Variants in HMGCLL1 observed in about 807,000 individuals in gnomAD.
HMGCLL1 encodes the protein 3-hydroxymethyl-3-methylglutaryl-CoA lyase, cytoplasmic.
HMGCLL1 carries 36 observed loss-of-function variants against 39.1 expected under a neutral mutation model. The observed-to-expected ratio is 0.92, with a 90% CI of 0.71 to 1.22. HMGCLL1 has a LOEUF of 1.22. Ranked by LOEUF, HMGCLL1 falls within the 50% of genes most tolerant of loss-of-function variation. HMGCLL1 has a pLI of 0.00. For synonymous variants in HMGCLL1, 149 were observed against 144.0 expected (o/e 1.03, Z -0.25); for missense variants, 451 against 416.5 (o/e 1.08, Z -0.72).
rs764189741 is a variant in HMGCLL1 at position 55,538,338 on chromosome 6, A to G, written c.297+3391T>C. Among the ~76,000 whole-genome samples, 56 of 152,178 alleles carry G rather than the reference A, an allele frequency of 3.7e-4. 1 individual carries two copies. The highest frequency in any genetic ancestry group is 1.2e-4 in the Non-Finnish European group (8 of 68,024). ...GAAATCTATTATCTTTCCTAACACT[A>G]ATTCTAAAGTTATATCAGCCTATTC... On this transcript the variant is annotated intron_variant, in intron 3 of 8. Transcript: ENST00000274901.
chr6:55,451,282 T>A (rs538073982), intron 7 of HMGCLL1, among the ~76,000 whole-genome samples: 3 of 152,298 alleles, frequency 2.0e-5, no homozygotes, highest in African/African-American at 7.2e-5. Flanking sequence ...TGATTTAAAA[T>A]GAATTAGGCC....
At chr6:55,566,220 T>C (rs1202894278) in intron 1 of HMGCLL1, among the ~76,000 whole-genome samples, 1 of 152,066 alleles carries the variant, frequency 6.6e-6, no homozygotes, top group Non-Finnish European at 1.5e-5. Context: ...TCCTTCAAGA[T>C]CCAAAAACAT....
At chr6:55,519,266 C>T (rs987587937) in intron 3 of HMGCLL1, among the ~76,000 whole-genome samples, 2 of 151,936 alleles carry the variant, frequency 1.3e-5, no homozygotes, top group African/African-American at 2.4e-5. Flanking sequence ...GGCCAACTCT[C>T]AGGTAATTGT....
At chr6:55,438,767 AT>A (rs1281146259) in intron 8 of HMGCLL1, among the ~76,000 whole-genome samples, 4 of 152,126 alleles carry the variant, frequency 2.6e-5, no homozygotes, top group Non-Finnish European at 4.4e-5. Flanking sequence ...ATTATTTTAC[AT>A]CTCAGAAATT....
the HMGCLL1 span, among the ~76,000 whole-genome samples, chr6:55,649,374 GTT>G: frequency 6.4e-5 from 9 of 140,672 alleles, no homozygotes; most frequent in South Asian, 2.3e-4. Flanking sequence ...AGGGTAAAAG[GTT>G]TTTTTTTTTT....
At chr6:55,537,066 G>T (rs1326857628) in intron 3 of HMGCLL1, among the ~76,000 whole-genome samples, 1 of 152,142 alleles carries the variant, frequency 6.6e-6, no homozygotes, top group African/African-American at 2.4e-5. Context: ...CAAAATCTCA[G>T]ATGTTAAGTT....
chr6:55,436,920 G>C (rs1763393452), intron 8 of HMGCLL1, among the ~76,000 whole-genome samples: 1 of 151,904 alleles, frequency 6.6e-6, no homozygotes, highest in Admixed American at 6.6e-5. Flanking sequence ...GTTTTGTCGT[G>C]GTAACGGCTT....
At chr6:55,619,267 T>C in the HMGCLL1 span, among the ~76,000 whole-genome samples, 1 of 152,036 alleles carries the variant, frequency 6.6e-6, no homozygotes, top group East Asian at 1.9e-4. Flanking sequence ...TGTGAAATTG[T>C]AGTGAAAAAA....
chr6:55,577,765 T>C (rs1489533820), intron 1 of HMGCLL1, among the ~76,000 whole-genome samples: 1 of 152,158 alleles, frequency 6.6e-6, no homozygotes, highest in Non-Finnish European at 1.5e-5. Context: ...AACATTAAGA[T>C]AAAAGTTACA....
chr6:55,632,016 T>A, the HMGCLL1 span, among the ~76,000 whole-genome samples: 1 of 152,134 alleles, frequency 6.6e-6, no homozygotes, highest in South Asian at 2.1e-4. Context: ...TTGCAAAGTA[T>A]TAAGGTTTTT....
chr6:55,522,655 G>A (rs1768096984), intron 3 of HMGCLL1, among the ~76,000 whole-genome samples: 1 of 151,888 alleles, frequency 6.6e-6, no homozygotes, highest in Non-Finnish European at 1.5e-5. Flanking sequence ...CTAAATTCCA[G>A]AGCTGCATTT....
chr6:55,632,233 C>T, the HMGCLL1 span, among the ~76,000 whole-genome samples: 1 of 151,928 alleles, frequency 6.6e-6, no homozygotes, highest in African/African-American at 2.4e-5. Context: ...TTAGTAAAAG[C>T]ATACAATAAT....
chr6:55,583,146 G>T (rs1211828786), upstream of HMGCLL1, among the ~76,000 whole-genome samples: 2 of 151,888 alleles, frequency 1.3e-5, no homozygotes, highest in South Asian at 2.1e-4. Context: ...TTGCATGCTT[G>T]GTAATTTGCT....
At chr6:55,646,084 C>T in the HMGCLL1 span, among the ~76,000 whole-genome samples, 2 of 151,696 alleles carry the variant, frequency 1.3e-5, no homozygotes, top group Non-Finnish European at 1.5e-5. Flanking sequence ...TGTTACTGGT[C>T]TGTTCAGGTA....
At chr6:55,480,287 AAT>A (rs1233656516) in intron 7 of HMGCLL1, among the ~76,000 whole-genome samples, 1 of 151,662 alleles carries the variant, frequency 6.6e-6, no homozygotes, top group African/African-American at 2.4e-5. Context: ...GGAAAAATCT[AAT>A]AATCCGACCA....
chr6:55,626,210 A>G, the HMGCLL1 span, among the ~76,000 whole-genome samples: 1 of 152,144 alleles, frequency 6.6e-6, no homozygotes, highest in African/African-American at 2.4e-5. Flanking sequence ...CCTCACAGGA[A>G]TAGACACTCC....
intron 1 of HMGCLL1, among the ~76,000 whole-genome samples, chr6:55,569,818 C>G (rs893697438): frequency 1.3e-5 from 2 of 152,154 alleles, no homozygotes; most frequent in African/African-American, 4.8e-5. Context: ...TTGCTAATGG[C>G]ACAGAGACAA....
At chr6:55,650,110 T>TATAC in the HMGCLL1 span, among the ~76,000 whole-genome samples, 201 of 74,434 alleles carry the variant, frequency 2.7e-3, 7 homozygotes, top group African/African-American at 0.013. Flanking sequence ...TATATATATA[T>TATAC]ATATATATAT....
the HMGCLL1 span, among the ~76,000 whole-genome samples, chr6:55,669,963 T>C: frequency 1.3e-5 from 2 of 151,922 alleles, no homozygotes; most frequent in East Asian, 3.9e-4. Context: ...ATGTTCTAAA[T>C]TTGGTGGAAA....
Sources: allele counts gnomAD v4.1 joint callset (sites outside exome capture counted in the v4.1 genomes callset), GRCh38; gene constraint gnomAD v4.1.1; transcripts MANE v1.5; gene names NCBI Gene and HGNC (gene_info 2026-07-23, HGNC 2026-07-21).